MAP2K2: variants seen among roughly 807,000 people sequenced by gnomAD.
The protein encoded by MAP2K2 is mitogen-activated protein kinase kinase 2.
Under a neutral mutation model 43.7 loss-of-function variants are expected in MAP2K2, and 24 were observed. The observed-to-expected ratio is 0.55, with a 90% CI of 0.40 to 0.77. The LOEUF is 0.77. Among genes scored for constraint, MAP2K2 ranks in the 30% least tolerant of loss-of-function variants. The pLI is 0.00. For missense variants in MAP2K2, 470 were observed against 566.8 expected (o/e 0.83, Z 1.73); for synonymous variants, 244 against 239.7 (o/e 1.02, Z -0.17).
Position 4,113,316 on chromosome 19 carries a change from A to G in MAP2K2, c.304-2661T>C, listed in dbSNP as rs115324151. Among the ~76,000 whole-genome samples, 1,204 of 152,264 alleles carry G rather than the reference A, an allele frequency of 7.9e-3. 17 individuals are homozygous for G. The highest frequency in any genetic ancestry group is 0.027 in the African/African-American group (1,142 of 41,542). On this transcript the variant is annotated intron_variant, in intron 2 of 10. Coordinates refer to ENST00000262948, the MANE Select transcript of MAP2K2 (RefSeq NM_030662.4). Reference sequence around the variant, plus strand: ...CACAGGGCGGCTGCGGCGTGATCTCAGTTTTAATGGTTCTGTAATACCTGG... The same window carrying G: ...CACAGGGCGGCTGCGGCGTGATCTCGGTTTTAATGGTTCTGTAATACCTGG...
At chr19:4,122,002 C>T (rs951712932) in intron 1 of MAP2K2, among the ~76,000 whole-genome samples, 15 of 140,670 alleles carry the variant, frequency 1.1e-4, no homozygotes, top group South Asian at 9.6e-4. Flanking sequence ...TAAGGGACCC[C>T]CCTGCCCCAC....
chr19:4,095,006 G>A, intron 9 of MAP2K2: 1 of 357,366 alleles, frequency 2.8e-6, no homozygotes, highest in South Asian at 3.9e-5. Context: ...TGGGTGCTTG[G>A]GGGCAGGAGA....
chr19:4,111,511 C>A lies in MAP2K2; in HGVS notation c.304-856G>T, dbSNP rs115461237. Among the ~76,000 whole-genome samples, 957 of 152,284 alleles carry A rather than the reference C, an allele frequency of 6.3e-3. 8 individuals are homozygous for A. Among genetic ancestry groups the A allele is most frequent in the African/African-American group, 0.022 (916 of 41,560 alleles). On this transcript the variant is annotated intron_variant, in intron 2 of 10. Transcript: ENST00000262948. ...CCTTCCCACCCTCAAGCTGGAGACA[C>A]CCCGTGGAGACGTTAGCCACACAGA...
At chr19:4,117,650 A>G (rs2041240970) in intron 1 of MAP2K2, 21 bp from the exon 2 acceptor site, 1 of 1,611,448 alleles carries the variant, frequency 6.2e-7, no homozygotes, top group African/African-American at 1.3e-5. Context: ...CCCCCAGGGT[A>G]GGGGTTAGCT....
At chr19:4,108,841 G>A (rs2041121276) in intron 3 of MAP2K2, among the ~76,000 whole-genome samples, 1 of 150,670 alleles carries the variant, frequency 6.6e-6, no homozygotes, top group Non-Finnish European at 1.5e-5. Flanking sequence ...GGGAAGACGA[G>A]GAAGACGAGG....
rs745688950 is a variant in MAP2K2, at chr19:4,101,300, G to C, written c.529-20C>G. ...GAGAACCTGCAGGGGAGCGCGGAGGGAGTCACGGGACAAGGCCACCAGGGC... is the reference window on the plus strand; with the variant it reads ...GAGAACCTGCAGGGGAGCGCGGAGGCAGTCACGGGACAAGGCCACCAGGGC... On this transcript the variant is annotated intron_variant, in intron 4 of 10. Transcript: ENST00000262948. The surrounding 1 kb of genome is among the most constrained non-coding windows in gnomAD (Gnocchi z 6.3). 2 of 1,568,892 alleles carry C rather than the reference G, an allele frequency of 1.3e-6. No homozygotes were observed. Among genetic ancestry groups the C allele is most frequent in the Non-Finnish European group, 1.7e-6 (2 of 1,157,400 alleles).
At chr19:4,107,391 G>A (rs1372704423) in intron 3 of MAP2K2, among the ~76,000 whole-genome samples, 1 of 152,002 alleles carries the variant, frequency 6.6e-6, no homozygotes, top group Non-Finnish European at 1.5e-5. Context: ...GGCTGTGGTG[G>A]CGGGCGCCTG....
chr19:4,090,594 A>G lies in MAP2K2; in HGVS notation c.*4T>C, dbSNP rs1472691111. On this transcript the variant is annotated 3_prime_UTR_variant, in exon 11 of 11. Transcript: ENST00000262948. ...CCAGCGGGACGCAGGGAGCCCGGCC[A>G]CTGTCACACGGCGGTGCGCGTGGGT... The G allele has an allele frequency of 3.2e-6, 5 of 1,549,868 alleles. No homozygotes were observed. The East Asian group carries it at 1.2e-4, about 38-fold the overall frequency.
Position 4,101,292 on chromosome 19 carries a change from C to T in MAP2K2, c.529-12G>A, listed in dbSNP as rs375701469. ...AAGCCCCGGAGAACCTGCAGGGGAG[C>T]GCGGAGGGAGTCACGGGACAAGGCC... On this transcript the variant is annotated splice_polypyrimidine_tract_variant and intron_variant, in intron 4 of 10. Coordinates refer to ENST00000262948, the MANE Select transcript of MAP2K2 (RefSeq NM_030662.4). The surrounding 1 kb of genome is among the most constrained non-coding windows in gnomAD (Gnocchi z 6.3). The T allele has an allele frequency of 2.0e-4, 308 of 1,573,860 alleles. No homozygotes were observed. The highest frequency in any genetic ancestry group is 1.9e-3 in the South Asian group (162 of 85,722).
At chr19:4,120,296 G>GAATA (rs1471136524) in intron 1 of MAP2K2, among the ~76,000 whole-genome samples, 1 of 152,186 alleles carries the variant, frequency 6.6e-6, no homozygotes, top group Non-Finnish European at 1.5e-5. Flanking sequence ...ATGAATGAAT[G>GAATA]AATAACATCA....
intron 2 of MAP2K2, among the ~76,000 whole-genome samples, chr19:4,116,666 C>T (rs1269668100): frequency 2.0e-5 from 3 of 152,066 alleles, no homozygotes; most frequent in Non-Finnish European, 4.4e-5. Context: ...TGCTGAGCTG[C>T]TGTCTGTTTA....
At chr19:4,120,904 A>T (rs1294407123) in intron 1 of MAP2K2, among the ~76,000 whole-genome samples, 1 of 145,306 alleles carries the variant, frequency 6.9e-6, no homozygotes, top group Non-Finnish European at 1.6e-5. Context: ...GCCCGTGTTG[A>T]CTTGCACACA....
chr19:4,112,980 C>G (rs868085463), intron 2 of MAP2K2, among the ~76,000 whole-genome samples: 12 of 152,208 alleles, frequency 7.9e-5, no homozygotes, highest in African/African-American at 2.2e-4. Flanking sequence ...TTTCCATGTT[C>G]AGCACGTCCG....
rs350894 is a variant in MAP2K2, at chr19:4,115,564, G to A, written c.303+1855C>T. Among the ~76,000 whole-genome samples the A allele has an allele frequency of 0.46, 70,422 of 151,982 alleles. 16,545 individuals are homozygous for A. Among genetic ancestry groups the A allele is most frequent in the East Asian group, 0.61 (3,133 of 5,164 alleles). On this transcript the variant is annotated intron_variant, in intron 2 of 10. Coordinates refer to ENST00000262948, the MANE Select transcript of MAP2K2 (RefSeq NM_030662.4). The surrounding 1 kb of genome is among the most constrained non-coding windows in gnomAD (Gnocchi z 4.1). ...GACCTGAGCTTTCCAAGGCTGCTCC[G>A]GTTTGGAAGAGGCTGCCTGCAGTAC...
chr19:4,098,455 C>T (rs759136289), intron 7 of MAP2K2, among the ~76,000 whole-genome samples: 3 of 152,104 alleles, frequency 2.0e-5, no homozygotes, highest in Non-Finnish European at 4.4e-5. Context: ...AACCACAGTC[C>T]GCTACAGGGT....
intron 2 of MAP2K2, among the ~76,000 whole-genome samples, chr19:4,113,865 C>T (rs2041187085): frequency 6.6e-6 from 1 of 152,174 alleles, no homozygotes; most frequent in South Asian, 2.1e-4. Flanking sequence ...CCGGCCGCCA[C>T]CCCGCAGGCC....
Position 4,121,653 on chromosome 19 carries a change from C to A in MAP2K2, c.92+2131G>T, listed in dbSNP as rs1237860639. ...CCCGAGGACCCAACCTGACCCCCCC[C>A]ACAACATGAACCCCCTGGAACCCCT... On this transcript the variant is annotated intron_variant, in intron 1 of 10. Transcript: ENST00000262948. Among the ~76,000 whole-genome samples the A allele has an allele frequency of 1.4e-3, 139 of 102,176 alleles. 1 individual carries two copies. The highest frequency in any genetic ancestry group is 4.2e-3 in the African/African-American group (107 of 25,704). The allele number at this position is 102,176 out of a possible 152,430, so 67.0% of individuals were successfully genotyped here. A position where few individuals can be genotyped will look rare whatever the true frequency, so the allele number is the denominator to read the frequency against.
intron 10 of MAP2K2, among the ~76,000 whole-genome samples, chr19:4,092,486 G>A (rs1476111721): frequency 6.6e-6 from 1 of 152,160 alleles, no homozygotes; most frequent in Non-Finnish European, 1.5e-5. Context: ...CTACTCGAGA[G>A]GCTGAGGCAG....
chr19:4,113,567 A>G (rs1015357160), intron 2 of MAP2K2, among the ~76,000 whole-genome samples: 10 of 152,182 alleles, frequency 6.6e-5, no homozygotes, highest in African/African-American at 2.4e-4. Flanking sequence ...CAGTGGCATT[A>G]GCTGCTAAGT....
Sources: gnomAD v4.1 joint callset for allele counts (sites outside exome capture counted in the v4.1 genomes callset) on GRCh38, gnomAD v4.1.1 for gene constraint, Gnocchi (gnomAD v3.1) non-coding constraint, MANE v1.5 for transcripts, NCBI Gene and HGNC (gene_info 2026-07-23, HGNC 2026-07-21) for gene names.